Variants in CSMD1 observed in about 807,000 individuals in gnomAD.
CSMD1 encodes CUB and sushi domain-containing protein 1.
CSMD1 carries 213 observed loss-of-function variants against 417.5 expected under a neutral mutation model. The ratio of observed to expected loss-of-function variants is 0.51; its 90% CI spans 0.46 to 0.57. The LOEUF (loss-of-function observed/expected upper bound fraction) is 0.57, where lower values mean the gene tolerates loss of function less well. CSMD1 is among the 20% of genes least tolerant of loss of function. The pLI, the probability that CSMD1 is intolerant of heterozygous loss-of-function variation, is 0.00. For synonymous variants in CSMD1, 2,862 were observed against 1,736.8 expected, an observed-to-expected ratio of 1.65 and a Z score of -16.11; for missense variants, 6,923 against 4,529.7, an observed-to-expected ratio of 1.53 and a Z score of -15.17.
At chr8:3,844,051 A>T (rs1442500209) in intron 5 of CSMD1, among the ~76,000 whole-genome samples, 4 of 152,292 alleles carry the variant, frequency 2.6e-5, no homozygotes, top group African/African-American at 9.6e-5. Flanking sequence ...TGTTAATATA[A>T]TTAAATTTCC....
At chr8:3,696,188 A>G (rs1188459265) in intron 7 of CSMD1, among the ~76,000 whole-genome samples, 1 of 152,184 alleles carries the variant, frequency 6.6e-6, no homozygotes, top group African/African-American at 2.4e-5. Context: ...GGTTGATGTT[A>G]TTCCATATGC....
intron 26 of CSMD1, among the ~76,000 whole-genome samples, chr8:3,261,177 G>A (rs1053411042): frequency 6.6e-6 from 1 of 152,142 alleles, no homozygotes; most frequent in Non-Finnish European, 1.5e-5. Context: ...TCTAAATGAT[G>A]TAAATACCAT....
intron 12 of CSMD1, among the ~76,000 whole-genome samples, chr8:3,443,509 T>C (rs1815121011): frequency 6.6e-6 from 1 of 152,202 alleles, no homozygotes; most frequent in Admixed American, 6.5e-5. Context: ...CGTCTGTTTC[T>C]TAAAAGCAAG....
chr8:4,084,939 T>G (rs899955584), intron 3 of CSMD1, among the ~76,000 whole-genome samples: 4 of 152,018 alleles, frequency 2.6e-5, no homozygotes, highest in Non-Finnish European at 5.9e-5. Flanking sequence ...AATTGGTAAT[T>G]TGGGAAAGCA....
chr8:4,112,241 G>C (rs957158404), intron 3 of CSMD1, among the ~76,000 whole-genome samples: 9 of 152,228 alleles, frequency 5.9e-5, no homozygotes, highest in African/African-American at 2.2e-4. Context: ...CTCACCTCCT[G>C]AGGTTCTTAG....
At chr8:4,910,189 C>A (rs1019583705) in intron 1 of CSMD1, among the ~76,000 whole-genome samples, 1 of 152,176 alleles carries the variant, frequency 6.6e-6, no homozygotes, top group Non-Finnish European at 1.5e-5. Flanking sequence ...TACACATACA[C>A]ACACTTGTTA....
rs79502741 is a variant in CSMD1 at position 3,447,065 on chromosome 8, C to T, written c.1561+21647G>A. On this transcript the variant is annotated intron_variant, in intron 12 of 69. Coordinates refer to ENST00000635120, the MANE Select transcript of CSMD1 (RefSeq NM_033225.6). ...AATTCTTAATAAAATTAAAACACAG[C>T]GTAACATCAGTTGTTATATTTTGAG... Among the ~76,000 whole-genome samples, 597 of 152,138 alleles carry T rather than the reference C, an allele frequency of 3.9e-3. 2 individuals carry two copies. Among genetic ancestry groups the T allele is most frequent in the African/African-American group, 0.013 (555 of 41,494 alleles).
intron 47 of CSMD1, among the ~76,000 whole-genome samples, chr8:3,092,238 A>C (rs1215720995): frequency 6.6e-6 from 1 of 152,202 alleles, no homozygotes; most frequent in East Asian, 1.9e-4. Context: ...AAAGAATTAG[A>C]TTCATACAGC....
intron 7 of CSMD1, among the ~76,000 whole-genome samples, chr8:3,656,798 C>T (rs1208234662): frequency 6.6e-6 from 1 of 151,994 alleles, no homozygotes; most frequent in East Asian, 1.9e-4. Context: ...TGGTGGGCAT[C>T]CCTGTAGTCC....
intron 1 of CSMD1, among the ~76,000 whole-genome samples, chr8:4,888,545 T>C (rs1242988774): frequency 6.6e-6 from 1 of 152,012 alleles, no homozygotes; most frequent in Non-Finnish European, 1.5e-5. Context: ...TGTGTGTTTA[T>C]GTGAGAGTCT....
rs796934021 is a variant in CSMD1 at position 3,411,693 on chromosome 8, C to T, written c.1562-2088G>A. On this transcript the variant is annotated intron_variant, in intron 12 of 69. Coordinates refer to ENST00000635120, the MANE Select transcript of CSMD1 (RefSeq NM_033225.6). ...ACGTGTATATATACGTGTATATATA[C>T]ACACGTATATATACACGTATATATA... is the stretch of plus-strand genomic sequence containing the variant. Among the ~76,000 whole-genome samples, 8 of 128,870 alleles carry T rather than the reference C, an allele frequency of 6.2e-5. 1 individual carries two copies. The highest frequency in any genetic ancestry group is 5.7e-4 in the East Asian group (2 of 3,506). 84.5% of individuals were successfully genotyped at this position (128,870 alleles called of 152,430 possible).
intron 1 of CSMD1, among the ~76,000 whole-genome samples, chr8:4,784,442 C>T (rs374647997): frequency 1.3e-5 from 2 of 152,170 alleles, no homozygotes; most frequent in East Asian, 1.9e-4. Context: ...AAATTTTGAA[C>T]CCGTGATTAA....
intron 7 of CSMD1, among the ~76,000 whole-genome samples, chr8:3,669,268 C>T (rs993000550): frequency 1.3e-5 from 2 of 152,188 alleles, no homozygotes; most frequent in African/African-American, 4.8e-5. Flanking sequence ...AATGTCTCAT[C>T]TGTGTTTTCT....
intron 1 of CSMD1, among the ~76,000 whole-genome samples, chr8:4,902,601 T>C (rs1475484179): frequency 6.6e-6 from 1 of 152,244 alleles, no homozygotes; most frequent in East Asian, 1.9e-4. Flanking sequence ...AATAACATCC[T>C]TTGACCATTG....
chr8:4,652,582 G>T (rs972673992), intron 1 of CSMD1, among the ~76,000 whole-genome samples: 1 of 151,914 alleles, frequency 6.6e-6, no homozygotes, highest in Non-Finnish European at 1.5e-5. Context: ...AACCCGGGAG[G>T]CAGAGGTTGC....
intron 1 of CSMD1, among the ~76,000 whole-genome samples, chr8:4,725,911 G>T (rs548601491): frequency 6.6e-6 from 1 of 152,084 alleles, no homozygotes; most frequent in Non-Finnish European, 1.5e-5. Context: ...CATTCCAGGG[G>T]GGGTTACTTT....
intron 51 of CSMD1, among the ~76,000 whole-genome samples, chr8:3,019,952 T>A (rs7818639): frequency 0.05 from 7,573 of 152,150 alleles, 190 homozygotes; most frequent in East Asian, 0.07. Flanking sequence ...GCATTAAGAG[T>A]GCTAGGTGAG....
chr8:4,800,800 C>G (rs909466357), intron 1 of CSMD1, among the ~76,000 whole-genome samples: 1 of 152,210 alleles, frequency 6.6e-6, no homozygotes, highest in African/African-American at 2.4e-5. Context: ...GTTTCGGGAC[C>G]TGGGGAGGGC....
chr8:4,568,591 G>T (rs1798732324), intron 2 of CSMD1, among the ~76,000 whole-genome samples: 1 of 152,094 alleles, frequency 6.6e-6, no homozygotes, highest in Non-Finnish European at 1.5e-5. Flanking sequence ...ACGTGTGCAT[G>T]CATCTTCATA....
Sources: allele counts gnomAD v4.1 joint callset (sites outside exome capture counted in the v4.1 genomes callset), GRCh38; gene constraint gnomAD v4.1.1; transcripts MANE v1.5; gene names NCBI Gene and HGNC (gene_info 2026-07-23, HGNC 2026-07-21).